The following SEC24D variants were observed in gnomAD, a reference collection of about 807,000 sequenced individuals.
SEC24D encodes the protein protein transport protein Sec24D.
In SEC24D, 69 loss-of-function variants were observed where a neutral mutation model predicts 116.9. The ratio of observed to expected loss-of-function variants is 0.59; its 90% CI spans 0.49 to 0.72. The LOEUF (loss-of-function observed/expected upper bound fraction) is 0.72. SEC24D is among the 30% of genes least tolerant of loss of function. The probability of loss-of-function intolerance (pLI) is 0.00; values close to 1 mark genes in which losing one functional copy is unlikely to be tolerated. For missense variants in SEC24D, 1,131 were observed against 1,264.1 expected (o/e 0.89, Z 1.60); for synonymous variants, 405 against 442.8 (o/e 0.91, Z 1.07).
intron 11 of SEC24D, among the ~76,000 whole-genome samples, chr4:118,753,448 T>C (rs552592287): frequency 6.6e-6 from 1 of 152,198 alleles, no homozygotes; most frequent in Middle Eastern, 3.4e-3. Context: ...ATAGTATAAA[T>C]ATATAAAATA....
At chr4:118,814,090 G>A (rs188027234) in intron 6 of SEC24D, among the ~76,000 whole-genome samples, 55 of 152,200 alleles carry the variant, frequency 3.6e-4, no homozygotes, top group Non-Finnish European at 5.4e-4. Flanking sequence ...TATGTTTATC[G>A]AACCTATTCA....
At chr4:118,802,181 G>T (rs1048043762) in intron 7 of SEC24D, among the ~76,000 whole-genome samples, 2 of 152,168 alleles carry the variant, frequency 1.3e-5, no homozygotes, top group Admixed American at 1.3e-4. Flanking sequence ...ACCACACGAA[G>T]GATGAGGTGC....
chr4:118,757,606 A>C, intron 11 of SEC24D, 115 bp downstream of exon 11: 1 of 806,794 alleles, frequency 1.2e-6, no homozygotes, highest in Non-Finnish European at 2.0e-6. Context: ...ATGACTAATT[A>C]CCCAGTGTCC....
Position 118,824,749 on chromosome 4 carries a change from C to T in SEC24D, c.119G>A (p.Gly40Asp). ...CAAAGGCCCTGCTGGCTTCATCATA[C>T]CTGCAAGAGAGGGGCATGAATTTAG... Reference protein sequence around the residue: ...GDPSHTASPTGMMKPAGPLGA... With the variant: ...GDPSHTASPTDMMKPAGPLGA... Residue 40 changes from glycine to aspartate, a missense_variant and splice_region_variant, in exon 3 of 23, where the codon GGT becomes GAT. Transcript: ENST00000280551. 1 of 1,578,666 alleles carries T rather than the reference C, an allele frequency of 6.3e-7. No individual in the cohort carries two copies. Among genetic ancestry groups the T allele is most frequent in the Non-Finnish European group, 8.6e-7 (1 of 1,167,612 alleles).
intron 8 of SEC24D, among the ~76,000 whole-genome samples, chr4:118,790,611 G>T (rs1728853062): frequency 6.6e-6 from 1 of 152,064 alleles, no homozygotes; most frequent in East Asian, 1.9e-4. Context: ...GTATGGTAAG[G>T]AATACGAAAT....
intron 7 of SEC24D, among the ~76,000 whole-genome samples, chr4:118,801,825 T>C (rs569215320): frequency 8.5e-5 from 13 of 152,348 alleles, no homozygotes; most frequent in African/African-American, 2.9e-4. Flanking sequence ...TTTGTTTCTA[T>C]AAACAGGTAT....
intron 8 of SEC24D, among the ~76,000 whole-genome samples, chr4:118,791,048 G>T (rs1728872740): frequency 6.6e-6 from 1 of 151,838 alleles, no homozygotes; most frequent in Non-Finnish European, 1.5e-5. Context: ...CTTGATTAGA[G>T]ATTATAAATA....
chr4:118,790,446 T>C (rs1025669304), intron 8 of SEC24D, among the ~76,000 whole-genome samples: 15 of 152,144 alleles, frequency 9.9e-5, no homozygotes, highest in African/African-American at 3.6e-4. Context: ...CCATACTACC[T>C]CAGTTCCTAA....
At chr4:118,835,717 G>A (rs895391676) in intron 1 of SEC24D, among the ~76,000 whole-genome samples, 1 of 152,182 alleles carries the variant, frequency 6.6e-6, no homozygotes, top group East Asian at 1.9e-4. Context: ...GTGGGGGCGG[G>A]TAAAAAATGC....
chr4:118,738,856 C>T (rs1361562819), intron 18 of SEC24D, among the ~76,000 whole-genome samples: 1 of 152,114 alleles, frequency 6.6e-6, no homozygotes, highest in Non-Finnish European at 1.5e-5. Flanking sequence ...TGTCAGAGGG[C>T]ATGATCATGT....
chr4:118,767,906 G>A (rs1256315574), intron 9 of SEC24D, among the ~76,000 whole-genome samples: 1 of 152,032 alleles, frequency 6.6e-6, no homozygotes, highest in Non-Finnish European at 1.5e-5. Flanking sequence ...TTGTGGAAGG[G>A]GATTAAGAAA....
chr4:118,774,373 C>G (rs1728043255), intron 8 of SEC24D, among the ~76,000 whole-genome samples: 1 of 152,014 alleles, frequency 6.6e-6, no homozygotes, highest in Non-Finnish European at 1.5e-5. Flanking sequence ...AATGTAAGAG[C>G]ATAACTATTA....
chr4:118,731,598 T>C, intron 20 of SEC24D, 91 bp from the exon 21 acceptor site: 1 of 1,009,760 alleles, frequency 9.9e-7, no homozygotes, highest in East Asian at 2.4e-5. Flanking sequence ...CTCCCTCCCC[T>C]CCCTCAATGC....
intron 19 of SEC24D, among the ~76,000 whole-genome samples, chr4:118,735,523 T>C (rs1187583679): frequency 1.3e-5 from 2 of 152,136 alleles, no homozygotes; most frequent in African/African-American, 4.8e-5. Context: ...TTTGTTTTTC[T>C]TTTTTAAAAA....
chr4:118,817,632 GA>G (rs199781266), intron 3 of SEC24D, among the ~76,000 whole-genome samples: 5 of 148,530 alleles, frequency 3.4e-5, no homozygotes, highest in Non-Finnish European at 4.5e-5. Context: ...TGCCAAGACA[GA>G]AAAAAAAAAT....
At chr4:118,741,587 G>T (rs1163960965) in intron 15 of SEC24D, among the ~76,000 whole-genome samples, 1 of 152,144 alleles carries the variant, frequency 6.6e-6, no homozygotes, top group African/African-American at 2.4e-5. Flanking sequence ...GAGCTCAGAG[G>T]TCACCCAAGA....
intron 8 of SEC24D, among the ~76,000 whole-genome samples, chr4:118,788,266 G>C (rs899009394): frequency 1.3e-5 from 2 of 152,206 alleles, no homozygotes; most frequent in Admixed American, 6.5e-5. Flanking sequence ...CATCTATGGT[G>C]AATGTCCAAT....
At chr4:118,833,426 CTA>C in intron 2 of SEC24D, 151 bp downstream of exon 2, 1 of 600,802 alleles carries the variant, frequency 1.7e-6, no homozygotes, top group South Asian at 2.4e-5. Context: ...TAGAGTTCTG[CTA>C]TGAGAGCCTT....
intron 2 of SEC24D, 138 bp downstream of exon 2, chr4:118,833,441 C>G: frequency 1.6e-6 from 1 of 628,716 alleles, no homozygotes; most frequent in Non-Finnish European, 2.8e-6. Context: ...AGAGCCTTTT[C>G]CAAATGATCC....
Sources: allele counts gnomAD v4.1 joint callset (sites outside exome capture counted in the v4.1 genomes callset), GRCh38; gene constraint gnomAD v4.1.1; transcripts MANE v1.5; gene names NCBI Gene and HGNC (gene_info 2026-07-23, HGNC 2026-07-21).